HDAC4: variants seen among roughly 807,000 people sequenced by gnomAD.
The protein encoded by HDAC4 is histone deacetylase 4, also known as histone deacetylase A.
In HDAC4, 16 loss-of-function variants were observed where a neutral mutation model predicts 135.1. The ratio of observed to expected loss-of-function variants is 0.12; its 90% CI spans 0.08 to 0.18. The LOEUF is 0.18. Ranked by LOEUF, HDAC4 falls within the 10% of genes least tolerant of loss-of-function variation. The pLI is 1.00. For missense variants in HDAC4, 1,143 were observed against 1,511.8 expected, an observed-to-expected ratio of 0.76 and a Z score of 4.05; for synonymous variants, 685 against 653.4, an observed-to-expected ratio of 1.05 and a Z score of -0.74.
At chr2:239,137,416 C>A (rs2041043107) in intron 9 of HDAC4, among the ~76,000 whole-genome samples, 2 of 152,148 alleles carry the variant, frequency 1.3e-5, no homozygotes, top group Non-Finnish European at 2.9e-5. Context: ...CTGCCTCCTC[C>A]CTGTAGAGGA....
chr2:239,156,882 AC>A, intron 6 of HDAC4, 109 bp from the exon 7 acceptor site: 3 of 1,230,348 alleles, frequency 2.4e-6, no homozygotes, highest in Non-Finnish European at 3.5e-6. Context: ...CCTCAGCCCC[AC>A]CTCAACAGAC....
In HDAC4 at chr2:239,373,173, C is replaced by T. The variant is rs181600925; in HGVS notation, c.-219-20255G>A. ...ACATCAGGACATGTGAGCAGAACGA[C>T]CTCTAAAGAGGCTGCAGCCGCGCGT... On this transcript the variant is annotated intron_variant, in intron 1 of 26. Transcript: ENST00000543185. Among the ~76,000 whole-genome samples, 499 of 152,264 alleles carry T rather than the reference C, an allele frequency of 3.3e-3. 2 individuals are homozygous for T. Among genetic ancestry groups the T allele is most frequent in the Non-Finnish European group, 5.9e-3 (400 of 68,014 alleles).
intron 2 of HDAC4, among the ~76,000 whole-genome samples, chr2:239,318,076 C>T (rs898485329): frequency 5.9e-5 from 9 of 152,108 alleles, no homozygotes; most frequent in Non-Finnish European, 1.0e-4. Context: ...CAACAGACTC[C>T]GACAAAGAAC....
At position 239,306,414 on chromosome 2, in the gene HDAC4, C is replaced by T. The variant is rs922758597; in HGVS notation, c.22+46264G>A. Among the ~76,000 whole-genome samples, 5 of 152,150 alleles carry T rather than the reference C, an allele frequency of 3.3e-5. No individual in the cohort carries two copies. Among genetic ancestry groups the T allele is most frequent in the African/African-American group, 1.2e-4 (5 of 41,436 alleles). On this transcript the variant is annotated intron_variant, in intron 2 of 26. Coordinates refer to ENST00000543185, the MANE Select transcript of HDAC4 (RefSeq NM_001378414.1). The surrounding 1 kb of genome is among the most constrained non-coding windows in gnomAD (Gnocchi z 4.5). ...AGAGGCCACCTGGCCAGGCCCCATC[C>T]ACGGATGTGTCCCTGCCCAGGTGCC...
chr2:239,102,025 C>T (rs55756265), intron 16 of HDAC4, among the ~76,000 whole-genome samples: 1 of 135,848 alleles, frequency 7.4e-6, no homozygotes, highest in Non-Finnish European at 1.6e-5. Context: ...CCCCCGGCCC[C>T]GGGTCCACGT....
chr2:239,181,447 C>T (rs1451101877), intron 4 of HDAC4, among the ~76,000 whole-genome samples: 1 of 152,228 alleles, frequency 6.6e-6, no homozygotes, highest in African/African-American at 2.4e-5. Context: ...GCAGCGTGTG[C>T]GCAGGAGGGG....
rs74003720 is a variant in HDAC4, at chr2:239,141,054, A to G, written c.866-1258T>C. 4.8e-3 allele frequency: 1,437 copies of G among 296,610 alleles called. 19 individuals carry two copies. The highest frequency in any genetic ancestry group is 0.03 in the African/African-American group (1,307 of 43,978). The allele number at this position is 296,610 out of a possible 1,614,324, so 18.4% of individuals were successfully genotyped here. A position where few individuals can be genotyped will look rare whatever the true frequency, so the allele number is the denominator to read the frequency against. On this transcript the variant is annotated intron_variant, in intron 8 of 26. Transcript: ENST00000543185. This position sits in a 1 kb window ranked among gnomAD's most constrained non-coding sequence, Gnocchi z 4.9. ...CCATCTCTCAGTCACTGTTTGAGGA[A>G]GGTGCCATTATGACCCCGTTTCCCA...
intron 16 of HDAC4, 69 bp from the exon 17 acceptor site, chr2:239,095,125 C>G (rs1475731487): frequency 1.9e-6 from 3 of 1,562,050 alleles, no homozygotes; most frequent in East Asian, 2.2e-5. Flanking sequence ...AGGCCCTGGG[C>G]GCACTCCGGG....
intron 1 of HDAC4, among the ~76,000 whole-genome samples, chr2:239,364,421 C>T (rs1694046534): frequency 6.6e-6 from 1 of 152,190 alleles, no homozygotes; most frequent in South Asian, 2.1e-4. Flanking sequence ...AAAAAGCAGA[C>T]ACACACAGCA....
intron 4 of HDAC4, among the ~76,000 whole-genome samples, chr2:239,184,839 T>G (rs1220351411): frequency 1.1e-3 from 6 of 5,618 alleles, no homozygotes; most frequent in Admixed American, 1.5e-3. Flanking sequence ...TGTCCTATGG[T>G]GGGGGGTCCC....
chr2:239,165,833 G>C (rs1179241749), intron 5 of HDAC4, among the ~76,000 whole-genome samples: 1 of 152,128 alleles, frequency 6.6e-6, no homozygotes, highest in East Asian at 1.9e-4. Flanking sequence ...TCCTTTGTGA[G>C]TTTTCCCTTT....
At chr2:239,185,652 C>CTT (rs886965992) in intron 4 of HDAC4, among the ~76,000 whole-genome samples, 4 of 152,146 alleles carry the variant, frequency 2.6e-5, no homozygotes, top group African/African-American at 7.2e-5. Context: ...CTAGCCATGG[C>CTT]TTCGTGGCCT....
chr2:239,314,796 T>C (rs1286007418), intron 2 of HDAC4, among the ~76,000 whole-genome samples: 1 of 152,086 alleles, frequency 6.6e-6, no homozygotes, highest in Non-Finnish European at 1.5e-5. Context: ...CTAACACACA[T>C]CTGTAAACCA....
At chr2:239,211,803 A>G (rs910351458) in intron 3 of HDAC4, among the ~76,000 whole-genome samples, 1 of 152,228 alleles carries the variant, frequency 6.6e-6, no homozygotes, top group Non-Finnish European at 1.5e-5. Context: ...AAGGACTGCT[A>G]TAACTGATCA....
intron 1 of HDAC4, among the ~76,000 whole-genome samples, chr2:239,388,641 C>T (rs567842676): frequency 6.6e-6 from 1 of 152,302 alleles, no homozygotes; most frequent in Non-Finnish European, 1.5e-5. Flanking sequence ...ATCCGTCCTC[C>T]ACCATCCTGT....
rs2030686561 is a variant in HDAC4, at chr2:239,050,560, A to G, written c.*2537T>C. On this transcript the variant is annotated 3_prime_UTR_variant, in exon 27 of 27. Coordinates refer to ENST00000543185, the MANE Select transcript of HDAC4 (RefSeq NM_001378414.1). ...CCAAGACCGTTCTGCCTGCTCTCAA[A>G]CCACTGTCTCAGAGCTGACCATCAG... The G allele has an allele frequency of 6.5e-6, 1 of 152,674 alleles. No homozygotes were observed. The highest frequency in any genetic ancestry group is 1.5e-5 in the Non-Finnish European group (1 of 68,056). 9.5% of individuals were successfully genotyped at this position (152,674 alleles called of 1,614,324 possible). A position where few individuals can be genotyped will look rare whatever the true frequency, so the allele number is the denominator to read the frequency against.
chr2:239,118,614 A>G (rs111649556), intron 12 of HDAC4, among the ~76,000 whole-genome samples: 17 of 152,308 alleles, frequency 1.1e-4, no homozygotes, highest in African/African-American at 3.8e-4. Flanking sequence ...CACAGACACA[A>G]TGAGAGCCCC....
At chr2:239,142,104 C>G (rs559143266) in intron 8 of HDAC4, among the ~76,000 whole-genome samples, 4 of 151,944 alleles carry the variant, frequency 2.6e-5, no homozygotes, top group Non-Finnish European at 5.9e-5. Flanking sequence ...GCACAGAACA[C>G]GGGCTGCGGG....
Position 239,245,126 on chromosome 2 carries a change from C to T in HDAC4, c.23-8462G>A, listed in dbSNP as rs2048394556. On this transcript the variant is annotated intron_variant, in intron 2 of 26. Transcript: ENST00000543185. The surrounding 1 kb of genome is among the most constrained non-coding windows in gnomAD (Gnocchi z 4.4). ...ATGAAAATGGAAAAAGATTCTTTCCCTAAGCAATATTTTTCCTTCAGGGTA... is the reference window on the plus strand; with the variant it reads ...ATGAAAATGGAAAAAGATTCTTTCCTTAAGCAATATTTTTCCTTCAGGGTA... Among the ~76,000 whole-genome samples, 1 of 152,194 alleles carries T rather than the reference C, an allele frequency of 6.6e-6. No homozygotes were observed. The highest frequency in any genetic ancestry group is 1.5e-5 in the Non-Finnish European group (1 of 68,030).
Sources: allele counts gnomAD v4.1 joint callset (sites outside exome capture counted in the v4.1 genomes callset), GRCh38; gene constraint gnomAD v4.1.1; non-coding constraint Gnocchi (gnomAD v3.1); transcripts MANE v1.5; gene names NCBI Gene and HGNC (gene_info 2026-07-23, HGNC 2026-07-21).